The following CLUL1 variants were observed in gnomAD, a reference collection of about 807,000 sequenced individuals.
CLUL1 encodes clusterin like 1, also known as clusterin-like protein 1.
Under a neutral mutation model 49.4 loss-of-function variants are expected in CLUL1, and 43 were observed. The ratio of observed to expected loss-of-function variants is 0.87; its 90% CI spans 0.68 to 1.12. The LOEUF (loss-of-function observed/expected upper bound fraction) is 1.12. Ranked by LOEUF, CLUL1 falls within the 50% of genes most tolerant of loss-of-function variation. The pLI is 0.00. For synonymous variants in CLUL1, 192 were observed against 184.9 expected, an observed-to-expected ratio of 1.04 and a Z score of -0.31; for missense variants, 486 against 544.4, an observed-to-expected ratio of 0.89 and a Z score of 1.07.
intron 7 of CLUL1, among the ~76,000 whole-genome samples, chr18:640,422 A>T (rs1483330283): frequency 1.3e-5 from 2 of 150,988 alleles, no homozygotes; most frequent in African/African-American, 4.9e-5. Flanking sequence ...AAAAAAAGAA[A>T]AGAAAAAAGA....
At chr18:609,912 G>A (rs1338982211) in intron 2 of CLUL1, among the ~76,000 whole-genome samples, 1 of 151,360 alleles carries the variant, frequency 6.6e-6, no homozygotes, top group African/African-American at 2.4e-5. Context: ...AAGAAAATCC[G>A]ATTTGCTCAG....
At chr18:627,812 C>G (rs972147907) in intron 6 of CLUL1, among the ~76,000 whole-genome samples, 5 of 151,996 alleles carry the variant, frequency 3.3e-5, no homozygotes, top group African/African-American at 1.2e-4. Context: ...CCAGTTCCCT[C>G]ATTTATTATT....
intron 4 of CLUL1, among the ~76,000 whole-genome samples, chr18:620,176 A>G (rs578184154): frequency 2.0e-5 from 3 of 152,340 alleles, no homozygotes; most frequent in Non-Finnish European, 4.4e-5. Flanking sequence ...GAGTGTGGAT[A>G]TAAGTCCACA....
chr18:619,139 C>A, intron 3 of CLUL1, 74 bp from the exon 4 acceptor site: 1 of 1,386,214 alleles, frequency 7.2e-7, no homozygotes, highest in South Asian at 1.3e-5. Flanking sequence ...CTTTTGGAGA[C>A]ATGAAAGGTT....
intron 3 of CLUL1, 88 bp from the exon 4 acceptor site, chr18:619,125 C>G (rs141914289): frequency 2.4e-6 from 3 of 1,262,462 alleles, no homozygotes; most frequent in Non-Finnish European, 3.3e-6. Flanking sequence ...ACAATTAAGC[C>G]TCTCTTTTGG....
rs981739880 is a variant in CLUL1 at position 641,348 on chromosome 18, T to G, written c.1016T>G (p.Leu339Arg). Residue 339 changes from leucine to arginine, a missense_variant, in exon 8 of 10, where the codon CTG becomes CGG. By Grantham distance (102) the Leu-to-Arg change is moderately radical. Transcript: ENST00000692774. ...CTAGACTGTCCTGATGTACCTGCTC[T>G]GCACACAGAATTAGACGAGGCGATC... ...LSEDCPDVPA[L>R]HTELDEAIRL... 6.2e-7 allele frequency: 1 copy of G among 1,614,208 alleles called. No homozygotes were observed.
chr18:618,191 T>G lies in CLUL1; in HGVS notation c.106+85T>G. ...TTTATAGTGAGTCGCAGTTGAGAGA[T>G]AACCATATTCGCTGTTTTCACGGTG... is the stretch of plus-strand genomic sequence containing the variant. On this transcript the variant is annotated intron_variant, in intron 3 of 9. Transcript: ENST00000692774. The surrounding 1 kb of genome is among the most constrained non-coding windows in gnomAD (Gnocchi z 4.2). The G allele has an allele frequency of 6.0e-6, 6 of 1,007,266 alleles. No homozygotes were observed. Among genetic ancestry groups the G allele is most frequent in the Non-Finnish European group, 9.3e-6 (6 of 645,226 alleles). 62.4% of individuals were successfully genotyped at this position (1,007,266 alleles called of 1,614,324 possible).
rs368435141 is a variant in CLUL1 at position 639,537 on chromosome 18, G to A, written c.995-1790G>A. Among the ~76,000 whole-genome samples, 373 of 151,804 alleles carry A rather than the reference G, an allele frequency of 2.5e-3. 2 individuals carry two copies. Among genetic ancestry groups the A allele is most frequent in the African/African-American group, 8.6e-3 (356 of 41,410 alleles). On this transcript the variant is annotated intron_variant, in intron 7 of 9. Coordinates refer to ENST00000692774, the MANE Select transcript of CLUL1 (RefSeq NM_001393344.1). ...TCCCAGCACTTTGGGAGGCCAAGGC[G>A]GGCAATCACTTAAGGCCAGGAGTTC...
At chr18:633,595 A>G (rs1034358849) in intron 7 of CLUL1, among the ~76,000 whole-genome samples, 160 bp downstream of exon 7, 5 of 152,210 alleles carry the variant, frequency 3.3e-5, no homozygotes, top group Non-Finnish European at 5.9e-5. Flanking sequence ...GCCCTTACAG[A>G]TGGAGCAATG....
At chr18:626,862 A>AAG (rs1227229581) in intron 5 of CLUL1, among the ~76,000 whole-genome samples, 2 of 95,436 alleles carry the variant, frequency 2.1e-5, no homozygotes, top group Admixed American at 3.4e-4. Flanking sequence ...CTCCATCTCA[A>AAG]ATAAGAAAGA....
At chr18:645,151 A>C in intron 9 of CLUL1, 54 bp downstream of exon 9, 57 of 1,346,210 alleles carry the variant, frequency 4.2e-5, no homozygotes, top group Non-Finnish European at 5.3e-5. Flanking sequence ...GTTAATTCTC[A>C]AAAGGGAAAA....
chr18:604,690 G>A (rs904640206), intron 1 of CLUL1, among the ~76,000 whole-genome samples: 2 of 152,280 alleles, frequency 1.3e-5, no homozygotes, highest in African/African-American at 4.8e-5. Flanking sequence ...AGCTCAGTTA[G>A]GTCTGTGTTC....
At chr18:609,411 G>A (rs2073068862) in intron 2 of CLUL1, among the ~76,000 whole-genome samples, 1 of 152,134 alleles carries the variant, frequency 6.6e-6, no homozygotes, top group African/African-American at 2.4e-5. Flanking sequence ...GGAGCTGGGA[G>A]GGTCCTTTTT....
At chr18:609,550 A>G (rs1303790579) in intron 2 of CLUL1, among the ~76,000 whole-genome samples, 2 of 152,086 alleles carry the variant, frequency 1.3e-5, no homozygotes, top group African/African-American at 2.4e-5. Context: ...TTGGCCAGGC[A>G]TGGTGGCTCA....
chr18:602,869 G>C (rs2072871228), intron 1 of CLUL1, among the ~76,000 whole-genome samples: 1 of 152,182 alleles, frequency 6.6e-6, no homozygotes, highest in Non-Finnish European at 1.5e-5. Flanking sequence ...TTAGCATTTA[G>C]GACATCTGGA....
At chr18:619,951 C>T (rs1459890919) in intron 4 of CLUL1, among the ~76,000 whole-genome samples, 1 of 152,046 alleles carries the variant, frequency 6.6e-6, no homozygotes, top group Admixed American at 6.6e-5. Flanking sequence ...CTCAAGTGAT[C>T]CACCTGCCTC....
Position 619,300 on chromosome 18 carries a change from GA to G in CLUL1, c.198del (p.Glu67ArgfsTer7), listed in dbSNP as rs1433328823. 1 of 1,614,008 alleles carries G rather than the reference GA, an allele frequency of 6.2e-7. No individual in the cohort carries two copies. The highest frequency in any genetic ancestry group is 8.5e-7 in the Non-Finnish European group (1 of 1,179,950). ...GIKQMKIMME[R>X]KEKEHTNLMS... ...AAGCAAATGAAAATCATGATGGAAA[GA>G]AAAGAGAAGGAACACACCAATCTAA... On this transcript the variant is annotated frameshift_variant, in exon 4 of 10. Transcript: ENST00000692774. LOFTEE classifies it high-confidence loss of function.
rs530945573 is a variant in CLUL1, at chr18:632,328, A to C, written c.857-970A>C. On this transcript the variant is annotated intron_variant, in intron 6 of 9. Transcript: ENST00000692774. ...CACATACTCGCACACATATGTGTGT[A>C]TATATATGTGTGTGTGTGTGTGTGT... Among the ~76,000 whole-genome samples the C allele has an allele frequency of 2.1e-3, 225 of 108,434 alleles. 2 individuals are homozygous for C. In the South Asian group the frequency reaches 0.029, roughly 14 times the overall value. 71.1% of individuals were successfully genotyped at this position (108,434 alleles called of 152,430 possible).
intron 4 of CLUL1, among the ~76,000 whole-genome samples, chr18:623,978 G>T (rs2073591229): frequency 1.3e-5 from 2 of 152,298 alleles, no homozygotes; most frequent in South Asian, 4.1e-4. Context: ...TCATTCCCCT[G>T]CACGATATCT....
Sources: gnomAD v4.1 joint callset for allele counts (sites outside exome capture counted in the v4.1 genomes callset) on GRCh38, gnomAD v4.1.1 for gene constraint, Gnocchi (gnomAD v3.1) non-coding constraint, MANE v1.5 for transcripts, NCBI Gene and HGNC (gene_info 2026-07-23, HGNC 2026-07-21) for gene names.